Variants in ABCC11 observed in about 807,000 individuals in gnomAD.
The protein encoded by ABCC11 is ATP binding cassette subfamily C member 11, also known as ATP-binding cassette sub-family C member 11.
In ABCC11, 135 loss-of-function variants were observed where a neutral mutation model predicts 149.3. The ratio of observed to expected loss-of-function variants is 0.90; its 90% CI spans 0.79 to 1.04. ABCC11 has a LOEUF of 1.04. Among genes scored for constraint, ABCC11 ranks in the 50% least tolerant of loss-of-function variants. The probability of loss-of-function intolerance (pLI) is 0.00; values close to 1 mark genes in which losing one functional copy is unlikely to be tolerated. For missense variants in ABCC11, 1,680 were observed against 1,722.1 expected (o/e 0.98, Z 0.43); for synonymous variants, 665 against 671.4 (o/e 0.99, Z 0.15).
intron 9 of ABCC11, among the ~76,000 whole-genome samples, chr16:48,214,512 C>T (rs142183861): frequency 4.5e-4 from 69 of 152,242 alleles, no homozygotes; most frequent in African/African-American, 1.5e-3. Context: ...GTTCCGACCA[C>T]GAAGGGAAGG....
rs1426704093 is a variant in ABCC11 at position 48,187,395 on chromosome 16, G to T, written c.2739C>A (p.Thr913=). ...VFRCPMSFFD[T]IPIGRLLNCF... ...AGTTCAAAAGCCGGCCTATTGGGAT[G>T]GTGTCAAAGAAACTCATGGGGCAGC... Residue 913 remains threonine (T), a synonymous_variant, in exon 21 of 30, where the codon ACC becomes ACA. Transcript: ENST00000356608. The T allele has an allele frequency of 1.9e-6, 3 of 1,613,736 alleles. No homozygotes were observed. In the African/African-American group the frequency reaches 4.0e-5, roughly 22 times the overall value.
chr16:48,244,314 G>T (rs540965075), intron 1 of ABCC11: 47 of 1,151,446 alleles, frequency 4.1e-5, no homozygotes, highest in Non-Finnish European at 4.0e-5. Flanking sequence ...CTGAGGTTTG[G>T]TGACTGCGGG....
intron 1 of ABCC11, chr16:48,244,332 G>T: frequency 1.2e-5 from 16 of 1,290,992 alleles, no homozygotes; most frequent in Non-Finnish European, 1.6e-5. Flanking sequence ...GGGGCAGGCC[G>T]GGGGCAGCTG....
At position 48,170,962 on chromosome 16, in the gene ABCC11, T is replaced by A; in HGVS notation, c.3704A>T (p.Asn1235Ile). The change falls in exon 27 of 30, where the codon AAC becomes ATC. Residue 1235 changes from asparagine (N) to isoleucine (I), a missense_variant. Transcript: ENST00000356608. ...PVLLSGTIRF[N>I]LDPFDRHTDQ... ...AGTGTGACGGTCAAAGGGATCTAGG[T>A]TGAATCTACCATATGAGAGAAAGAG... The A allele has an allele frequency of 6.2e-7, 1 of 1,611,906 alleles. No individual in the cohort carries two copies. Among genetic ancestry groups the A allele is most frequent in the East Asian group, 2.2e-5 (1 of 44,868 alleles).
intron 17 of ABCC11, 107 bp downstream of exon 17, chr16:48,197,864 G>A: frequency 8.3e-7 from 1 of 1,199,482 alleles, no homozygotes; most frequent in Non-Finnish European, 1.2e-6. Flanking sequence ...AGGGTCTCAA[G>A]ACACTGAGGG....
intron 20 of ABCC11, among the ~76,000 whole-genome samples, chr16:48,189,006 C>A (rs879274346): frequency 6.6e-6 from 1 of 152,234 alleles, no homozygotes. Flanking sequence ...GCTGACCAAG[C>A]GTAGCTCTCA....
At chr16:48,245,606 G>A (rs755783491) in intron 1 of ABCC11, among the ~76,000 whole-genome samples, 2 of 152,052 alleles carry the variant, frequency 1.3e-5, no homozygotes, top group Non-Finnish European at 2.9e-5. Context: ...TAGCCCCTCC[G>A]TCCCAGGGAA....
intron 6 of ABCC11, among the ~76,000 whole-genome samples, chr16:48,218,741 C>T (rs1969520044): frequency 6.6e-6 from 1 of 152,166 alleles, no homozygotes; most frequent in South Asian, 2.1e-4. Flanking sequence ...CTCAGTCTCC[C>T]TTGTCTGCCA....
intron 28 of ABCC11, among the ~76,000 whole-genome samples, chr16:48,169,739 G>A (rs1222048235): frequency 7.3e-6 from 1 of 136,466 alleles, no homozygotes; most frequent in Non-Finnish European, 1.5e-5. Context: ...ACACAGGGTG[G>A]GGAACATCAC....
At chr16:48,240,760 A>C (rs1278986996) in intron 1 of ABCC11, among the ~76,000 whole-genome samples, 1 of 152,032 alleles carries the variant, frequency 6.6e-6, no homozygotes, top group Non-Finnish European at 1.5e-5. Flanking sequence ...AGGAAAAATA[A>C]ATAAATAAAT....
intron 13 of ABCC11, 138 bp downstream of exon 13, chr16:48,205,275 C>T: frequency 7.8e-7 from 1 of 1,282,264 alleles, no homozygotes; most frequent in Non-Finnish European, 1.1e-6. Flanking sequence ...ATTTCTTTCA[C>T]AGTGAGGGGT....
chr16:48,220,770 T>G (rs1969681822), intron 6 of ABCC11, among the ~76,000 whole-genome samples: 1 of 152,232 alleles, frequency 6.6e-6, no homozygotes, highest in African/African-American at 2.4e-5. Context: ...CTTGCATTTA[T>G]GGAACGCCTC....
At position 48,173,281 on chromosome 16, in the gene ABCC11, G is replaced by A. The variant is rs746401743; in HGVS notation, c.3698+1977C>T. Among the ~76,000 whole-genome samples, 18 of 152,224 alleles carry A rather than the reference G, an allele frequency of 1.2e-4. No homozygotes were observed. In the East Asian group the frequency reaches 1.5e-3, roughly 13 times the overall value. On this transcript the variant is annotated intron_variant, in intron 26 of 29. Transcript: ENST00000356608. ...TTCTTTCTACAGAAAGAGGTGGGGG[G>A]AAATATCACAAATTATGGGTTTAGA... is the stretch of plus-strand genomic sequence containing the variant.
rs917991294 is a variant in ABCC11, at chr16:48,192,834, G to A, written c.2509-117C>T. 1.2e-5 allele frequency: 12 copies of A among 1,023,460 alleles called. No homozygotes were observed. In the African/African-American group the frequency reaches 1.7e-4, roughly 15 times the overall value. The allele number at this position is 1,023,460 out of a possible 1,614,324, so 63.4% of individuals were successfully genotyped here. The stretch of plus-strand genomic sequence containing the variant: ...TGGCTGGTAGAAGGTGAAGCTGTTT[G>A]CCCAAACCTCCCTGCTCAGCGCTTG... On this transcript the variant is annotated intron_variant, in intron 19 of 29. Transcript: ENST00000356608.
chr16:48,208,593 C>T (rs770464617), intron 11 of ABCC11, 97 bp from the exon 12 acceptor site: 18 of 1,322,166 alleles, frequency 1.4e-5, no homozygotes, highest in Non-Finnish European at 1.9e-5. Flanking sequence ...CAAAACAACA[C>T]ACAGAAAACA....
At chr16:48,201,232 T>C (rs919644281) in intron 14 of ABCC11, among the ~76,000 whole-genome samples, 1 of 152,148 alleles carries the variant, frequency 6.6e-6, no homozygotes, top group African/African-American at 2.4e-5. Context: ...ATAAAATAAG[T>C]CACTTATTCC....
chr16:48,205,401 C>T lies in ABCC11; in HGVS notation c.1805+12G>A, dbSNP rs1036081996. On this transcript the variant is annotated intron_variant, in intron 13 of 29. Transcript: ENST00000356608. The stretch of plus-strand genomic sequence containing the variant: ...TGCCCTGTACTCTCCCTTTCCCCTC[C>T]CAGGAGCTTACCGGGCCTTGTCATA... The T allele has an allele frequency of 1.2e-6, 2 of 1,614,060 alleles. No homozygotes were observed. Among genetic ancestry groups the T allele is most frequent in the East Asian group, 4.5e-5 (2 of 44,894 alleles).
Position 48,213,515 on chromosome 16 carries a change from C to A in ABCC11, c.1284G>T (p.Arg428=), listed in dbSNP as rs1427447028. ...FSMLASLNLL[R]LSVFFVPIAV... Reference sequence around the variant, plus strand: ...CAATAGGCACAAAGAACACTGACAGCCGAAGGAGATTCAAGGAGGCCAGCA... The same window carrying A: ...CAATAGGCACAAAGAACACTGACAGACGAAGGAGATTCAAGGAGGCCAGCA... Residue 428 remains arginine (R), a synonymous_variant, in exon 10 of 30, where the codon CGG becomes CGT. Coordinates refer to ENST00000356608, the MANE Select transcript of ABCC11 (RefSeq NM_001370497.1). 1 of 1,610,732 alleles carries A rather than the reference C, an allele frequency of 6.2e-7. No homozygotes were observed. Among genetic ancestry groups the A allele is most frequent in the South Asian group, 1.1e-5 (1 of 90,312 alleles).
intron 1 of ABCC11, among the ~76,000 whole-genome samples, chr16:48,233,213 A>G (rs1252778998): frequency 6.6e-6 from 1 of 152,222 alleles, no homozygotes; most frequent in African/African-American, 2.4e-5. Context: ...AAAACAAAAC[A>G]AAACAAACAT....
Sources: allele counts gnomAD v4.1 joint callset (sites outside exome capture counted in the v4.1 genomes callset), GRCh38; gene constraint gnomAD v4.1.1; transcripts MANE v1.5; gene names NCBI Gene and HGNC (gene_info 2026-07-23, HGNC 2026-07-21).